Variants in RBMS1 observed in about 807,000 individuals in gnomAD.
RBMS1 encodes the protein RNA-binding motif, single-stranded-interacting protein 1.
RBMS1 carries 17 observed loss-of-function variants against 62.3 expected under a neutral mutation model. The observed-to-expected ratio is 0.27, with a 90% CI of 0.19 to 0.41. RBMS1 has a LOEUF of 0.41. Among genes scored for constraint, RBMS1 ranks in the 10% least tolerant of loss-of-function variants. The pLI is 1.00. For synonymous variants in RBMS1, 172 were observed against 170.0 expected (o/e 1.01, Z -0.09); for missense variants, 334 against 504.5 (o/e 0.66, Z 3.24).
intron 1 of RBMS1, among the ~76,000 whole-genome samples, chr2:160,430,740 G>T (rs958347835): frequency 6.6e-6 from 1 of 152,066 alleles, no homozygotes; most frequent in African/African-American, 2.4e-5. Context: ...TGATGTTTGA[G>T]AAATGTTAAT....
chr2:160,354,894 C>T (rs1174671945), intron 2 of RBMS1, among the ~76,000 whole-genome samples: 1 of 152,104 alleles, frequency 6.6e-6, no homozygotes, highest in African/African-American at 2.4e-5. Flanking sequence ...CTGGCAGCAC[C>T]ATAAACTTGG....
chr2:160,400,375 A>C (rs1695372221), intron 1 of RBMS1, among the ~76,000 whole-genome samples: 1 of 152,048 alleles, frequency 6.6e-6, no homozygotes, highest in Non-Finnish European at 1.5e-5. Flanking sequence ...TGAGGAAAAA[A>C]AAAAAAGAAG....
chr2:160,468,174 T>C (rs146843874), intron 1 of RBMS1, among the ~76,000 whole-genome samples: 2,191 of 152,236 alleles, frequency 0.014, 59 homozygotes, highest in African/African-American at 0.051. Context: ...ATTAAAGAAA[T>C]GTAGTAGCCA....
chr2:160,308,834 T>C (rs1689694488), intron 4 of RBMS1, among the ~76,000 whole-genome samples: 1 of 152,198 alleles, frequency 6.6e-6, no homozygotes, highest in Non-Finnish European at 1.5e-5. Flanking sequence ...AGACACGACA[T>C]ATAGTGCCAA....
intron 2 of RBMS1, among the ~76,000 whole-genome samples, chr2:160,360,958 A>C (rs950168137): frequency 1.3e-5 from 2 of 152,220 alleles, no homozygotes; most frequent in Non-Finnish European, 2.9e-5. Flanking sequence ...GAATATTATA[A>C]ATGAGGAAAC....
chr2:160,450,087 A>G (rs904813601), intron 1 of RBMS1, among the ~76,000 whole-genome samples: 4 of 151,994 alleles, frequency 2.6e-5, no homozygotes, highest in Non-Finnish European at 5.9e-5. Flanking sequence ...TGCTGACCAC[A>G]CCAACCATAC....
intron 2 of RBMS1, among the ~76,000 whole-genome samples, chr2:160,321,149 G>A (rs1690538251): frequency 6.6e-6 from 1 of 152,130 alleles, no homozygotes; most frequent in Non-Finnish European, 1.5e-5. Flanking sequence ...GGAGAAAGGG[G>A]AATGAGGAAG....
rs868194829 is a variant in RBMS1, at chr2:160,407,844, G to A, written c.76-40453C>T. On this transcript the variant is annotated intron_variant, in intron 1 of 13. Transcript: ENST00000348849. ...GCTGGCGGCGTCGCCGACTCTCCCGGCGGCAGCGGAGGAGCAGCGCCGCCG... is the reference window on the plus strand; with the variant it reads ...GCTGGCGGCGTCGCCGACTCTCCCGACGGCAGCGGAGGAGCAGCGCCGCCG... 293 of 981,380 alleles carry A rather than the reference G, an allele frequency of 3.0e-4. 1 individual carries two copies. The African/African-American group carries it at 4.8e-3, about 16-fold the overall frequency. The allele number at this position is 981,380 out of a possible 1,614,324, so 60.8% of individuals were successfully genotyped here.
At chr2:160,403,889 T>C (rs1292253029) in intron 1 of RBMS1, among the ~76,000 whole-genome samples, 2 of 152,156 alleles carry the variant, frequency 1.3e-5, no homozygotes, top group Non-Finnish European at 2.9e-5. Flanking sequence ...AATAAAAGAA[T>C]TCAAGAAACA....
chr2:160,432,035 A>C (rs1682915312), intron 1 of RBMS1, among the ~76,000 whole-genome samples: 1 of 152,214 alleles, frequency 6.6e-6, no homozygotes, highest in Non-Finnish European at 1.5e-5. Context: ...TGTTTTGTAT[A>C]GTACAGAATA....
intron 5 of RBMS1, among the ~76,000 whole-genome samples, chr2:160,301,809 T>C (rs1051652094): frequency 6.6e-6 from 1 of 152,240 alleles, no homozygotes; most frequent in Non-Finnish European, 1.5e-5. Context: ...GTTCCCTTTT[T>C]TGTCTCAATT....
At chr2:160,329,986 A>T (rs1691167301) in intron 2 of RBMS1, among the ~76,000 whole-genome samples, 1 of 152,090 alleles carries the variant, frequency 6.6e-6, no homozygotes, top group Admixed American at 6.6e-5. Flanking sequence ...AAGGTCAGAG[A>T]CACTTATGAA....
intron 1 of RBMS1, among the ~76,000 whole-genome samples, chr2:160,390,251 A>G (rs1694789341): frequency 1.3e-5 from 2 of 152,230 alleles, no homozygotes; most frequent in African/African-American, 4.8e-5. Context: ...TAGGAAAAAA[A>G]AGAGATCATC....
At chr2:160,474,887 G>A (rs777919932) in intron 1 of RBMS1, among the ~76,000 whole-genome samples, 3 of 152,130 alleles carry the variant, frequency 2.0e-5, no homozygotes, top group Non-Finnish European at 2.9e-5. Flanking sequence ...TTTCAGTTGC[G>A]TCGCAAGTAA....
intron 1 of RBMS1, among the ~76,000 whole-genome samples, chr2:160,369,640 G>A (rs923072935): frequency 7.2e-5 from 11 of 152,214 alleles, no homozygotes; most frequent in Non-Finnish European, 1.5e-4. Flanking sequence ...GCTGTTGGGC[G>A]ATGAAATGTG....
intron 1 of RBMS1, among the ~76,000 whole-genome samples, chr2:160,418,040 A>G (rs570478543): frequency 6.6e-6 from 1 of 152,324 alleles, no homozygotes; most frequent in East Asian, 1.9e-4. Context: ...CAATCACGTC[A>G]TTCTACTTCA....
At chr2:160,346,889 T>G (rs1692213178) in intron 2 of RBMS1, among the ~76,000 whole-genome samples, 1 of 152,090 alleles carries the variant, frequency 6.6e-6, no homozygotes, top group Admixed American at 6.6e-5. Context: ...CCTGATAAAT[T>G]GAAACTAAAT....
chr2:160,436,144 G>A (rs1189299528), intron 1 of RBMS1, among the ~76,000 whole-genome samples: 1 of 152,094 alleles, frequency 6.6e-6, no homozygotes, highest in African/African-American at 2.4e-5. Flanking sequence ...TTCCTTTCTG[G>A]TACTCACCAG....
At chr2:160,352,094 T>C (rs1310052712) in intron 2 of RBMS1, among the ~76,000 whole-genome samples, 2 of 152,170 alleles carry the variant, frequency 1.3e-5, no homozygotes, top group Non-Finnish European at 2.9e-5. Flanking sequence ...CATAACTTCT[T>C]AGTAGTGAAC....
Sources: allele counts gnomAD v4.1 joint callset (sites outside exome capture counted in the v4.1 genomes callset), GRCh38; gene constraint gnomAD v4.1.1; transcripts MANE v1.5; gene names NCBI Gene and HGNC (gene_info 2026-07-23, HGNC 2026-07-21).